The following RBM39 variants were observed in gnomAD, a reference collection of about 807,000 sequenced individuals.
RBM39 encodes the protein RNA binding motif protein 39.
RBM39 carries 12 observed loss-of-function variants against 79.6 expected under a neutral mutation model. The observed-to-expected ratio is 0.15, with a 90% CI of 0.10 to 0.24. The LOEUF is 0.24. Ranked by LOEUF, RBM39 falls within the 10% of genes least tolerant of loss-of-function variation. The pLI is 1.00. For missense variants in RBM39, 243 were observed against 653.4 expected (o/e 0.37, Z 6.85); for synonymous variants, 185 against 208.4 (o/e 0.89, Z 0.97).
chr20:35,729,909 CAGT>C (rs1310365984), intron 4 of RBM39, among the ~76,000 whole-genome samples: 1 of 151,926 alleles, frequency 6.6e-6, no homozygotes, highest in Non-Finnish European at 1.5e-5. Context: ...CTCACACCAG[CAGT>C]AACTATGGTT....
intron 7 of RBM39, 91 bp downstream of exon 7, chr20:35,724,947 A>G: frequency 9.5e-7 from 1 of 1,050,258 alleles, no homozygotes; most frequent in Admixed American, 2.2e-5. Flanking sequence ...ACAAACAAAT[A>G]CTGCTACTAA....
At chr20:35,711,800 G>C (rs2036451658) in intron 12 of RBM39, among the ~76,000 whole-genome samples, 1 of 152,170 alleles carries the variant, frequency 6.6e-6, no homozygotes. Flanking sequence ...GGTACTACCA[G>C]GGTCTAAAAT....
chr20:35,734,365 T>C (rs2039689473), intron 3 of RBM39: 1 of 504,886 alleles, frequency 2.0e-6, no homozygotes, highest in South Asian at 2.0e-5. Context: ...ATCAAAGCCA[T>C]GCCCAGATGG....
At chr20:35,707,993 C>T (rs1171990544) in intron 13 of RBM39, 1 of 438,028 alleles carries the variant, frequency 2.3e-6, no homozygotes, top group East Asian at 8.2e-5. Context: ...ACAAACAAAG[C>T]TAAGGATAAA....
intron 12 of RBM39, chr20:35,710,662 G>C (rs576607568): frequency 6.6e-6 from 1 of 152,018 alleles, no homozygotes; most frequent in Non-Finnish European, 1.5e-5. Context: ...AAAGACTTAG[G>C]GGACAAGCAC....
chr20:35,741,294 A>C (rs1166645868), intron 1 of RBM39, among the ~76,000 whole-genome samples: 3 of 151,428 alleles, frequency 2.0e-5, no homozygotes, highest in African/African-American at 7.3e-5. Flanking sequence ...TCTGCCTCCC[A>C]AACTGCTGGG....
At chr20:35,706,413 A>G (rs561786921) in intron 14 of RBM39, among the ~76,000 whole-genome samples, 2 of 152,358 alleles carry the variant, frequency 1.3e-5, no homozygotes, top group Admixed American at 6.5e-5. Context: ...AGATAAAACT[A>G]AAGTAAATTT....
intron 8 of RBM39, among the ~76,000 whole-genome samples, chr20:35,722,889 G>A (rs1477720395): frequency 6.7e-6 from 1 of 148,846 alleles, no homozygotes; most frequent in East Asian, 2.0e-4. Context: ...AGCCAAGATC[G>A]CCCCACTGCA....
rs946728172 is a variant in RBM39, at chr20:35,702,391, A to G, written c.*2090T>C. 2 of 152,202 alleles carry G rather than the reference A, an allele frequency of 1.3e-5. No individual in the cohort carries two copies. Among genetic ancestry groups the G allele is most frequent in the Admixed American group, 6.5e-5 (1 of 15,282 alleles). 9.4% of individuals were successfully genotyped at this position (152,202 alleles called of 1,614,324 possible). On this transcript the variant is annotated 3_prime_UTR_variant, in exon 17 of 17. Transcript: ENST00000253363. ...ACACTATTCAAGTTACTACACTCCA[A>G]CCACATTTCCTCTGAACATTATTTA...
intron 10 of RBM39, among the ~76,000 whole-genome samples, chr20:35,714,868 TA>T (rs2036906508): frequency 6.6e-6 from 1 of 152,128 alleles, no homozygotes; most frequent in African/African-American, 2.4e-5. Context: ...TACATATATA[TA>T]AAATTTTGGT....
At chr20:35,731,759 C>T in intron 4 of RBM39, 182 bp downstream of exon 4, 1 of 646,624 alleles carries the variant, frequency 1.5e-6, no homozygotes, top group Non-Finnish European at 2.6e-6. Context: ...CAAATTTTTA[C>T]TTATTTGTCT....
chr20:35,722,162 C>T (rs2038024217), intron 8 of RBM39, among the ~76,000 whole-genome samples: 1 of 152,078 alleles, frequency 6.6e-6, no homozygotes, highest in Non-Finnish European at 1.5e-5. Context: ...AATCCCAGCA[C>T]TTTAGTAGGC....
intron 11 of RBM39, 129 bp from the exon 12 acceptor site, chr20:35,713,225 T>C: frequency 1.1e-5 from 8 of 704,370 alleles, no homozygotes. Flanking sequence ...GGTTGACGCC[T>C]GTAACTTAGC....
chr20:35,738,107 G>GA (rs1205179405), intron 3 of RBM39, among the ~76,000 whole-genome samples: 3 of 151,348 alleles, frequency 2.0e-5, no homozygotes, highest in African/African-American at 7.3e-5. Flanking sequence ...AGTGAGCCGT[G>GA]ATAGAACCAC....
intron 3 of RBM39, among the ~76,000 whole-genome samples, chr20:35,735,889 G>C (rs905936976): frequency 6.6e-6 from 1 of 152,138 alleles, no homozygotes; most frequent in Admixed American, 6.6e-5. Context: ...ATTAGACAAA[G>C]GCCACCGAAT....
At chr20:35,716,942 A>G (rs547118570) in intron 9 of RBM39, 137 bp from the exon 10 acceptor site, 1 of 593,122 alleles carries the variant, frequency 1.7e-6, no homozygotes, top group Non-Finnish European at 3.0e-6. Context: ...CTCATCACCA[A>G]GAAGTCTTTT....
intron 14 of RBM39, 92 bp downstream of exon 14, chr20:35,707,028 A>C (rs1001216692): frequency 3.0e-5 from 2 of 65,852 alleles, no homozygotes; most frequent in Non-Finnish European, 3.9e-5. Flanking sequence ...ACTCCATCTT[A>C]AAAAAAAAAA....
At position 35,701,737 on chromosome 20, in the gene RBM39, G is replaced by C. The variant is rs1003524559; in HGVS notation, c.*2744C>G. The C allele has an allele frequency of 2.0e-5, 3 of 152,142 alleles. No homozygotes were observed. The highest frequency in any genetic ancestry group is 4.4e-5 in the Non-Finnish European group (3 of 68,084). 9.4% of individuals were successfully genotyped at this position (152,142 alleles called of 1,614,324 possible). ...CCATTGCACTCCAGCCTGGGCGACA[G>C]AGCGAGACTCTGTCTCAAAACAAAA... On this transcript the variant is annotated 3_prime_UTR_variant, in exon 17 of 17. Coordinates refer to ENST00000253363, the MANE Select transcript of RBM39 (RefSeq NM_184234.3).
chr20:35,728,218 T>C (rs1420270496), intron 6 of RBM39, among the ~76,000 whole-genome samples: 8 of 149,748 alleles, frequency 5.3e-5, no homozygotes, highest in Non-Finnish European at 1.0e-4. Flanking sequence ...TAAAACTTAC[T>C]GTTACAACTA....
Sources: gnomAD v4.1 joint callset for allele counts (sites outside exome capture counted in the v4.1 genomes callset) on GRCh38, gnomAD v4.1.1 for gene constraint, MANE v1.5 for transcripts, NCBI Gene and HGNC (gene_info 2026-07-23, HGNC 2026-07-21) for gene names.